Variants in CNTN5 observed in about 807,000 individuals in gnomAD.
CNTN5 encodes contactin-5.
CNTN5 carries 77 observed loss-of-function variants against 129.1 expected under a neutral mutation model. That is an observed-to-expected ratio of 0.60 (90% CI 0.50 to 0.72). The LOEUF (loss-of-function observed/expected upper bound fraction) is 0.72. CNTN5 is among the 30% of genes least tolerant of loss of function. The pLI is 0.00. For missense variants in CNTN5, 1,478 were observed against 1,328.8 expected, an observed-to-expected ratio of 1.11 and a Z score of -1.75; for synonymous variants, 509 against 465.6, an observed-to-expected ratio of 1.09 and a Z score of -1.20.
chr11:99,790,257 G>C (rs543571463), intron 3 of CNTN5, among the ~76,000 whole-genome samples: 3 of 152,096 alleles, frequency 2.0e-5, no homozygotes, highest in African/African-American at 7.2e-5. Flanking sequence ...TAGGAGTTTG[G>C]TTTACAGATT....
chr11:99,643,102 T>G (rs1591409654), intron 3 of CNTN5, among the ~76,000 whole-genome samples: 1 of 152,174 alleles, frequency 6.6e-6, no homozygotes, highest in South Asian at 2.1e-4. Context: ...TTATTTCCTT[T>G]GGATATATAA....
chr11:99,358,254 G>GGTTTTTTTTTTT (rs1938837823), intron 2 of CNTN5, among the ~76,000 whole-genome samples: 1 of 4,818 alleles, frequency 2.1e-4, no homozygotes, highest in Non-Finnish European at 3.7e-4. Context: ...ACGCCCTGCT[G>GGTTTTTTTTTTT]ATTTTTTTTT....
intron 2 of CNTN5, among the ~76,000 whole-genome samples, chr11:99,342,805 T>C (rs1393519077): frequency 6.6e-6 from 1 of 151,928 alleles, no homozygotes; most frequent in African/African-American, 2.4e-5. Flanking sequence ...ACTGTTTATT[T>C]TTAGGACTAT....
intron 1 of CNTN5, among the ~76,000 whole-genome samples, chr11:99,063,315 G>A (rs1350929844): frequency 6.6e-6 from 1 of 152,076 alleles, no homozygotes; most frequent in African/African-American, 2.4e-5. Context: ...AAGCCAGGTG[G>A]ATTCCAGAGG....
At chr11:99,533,824 T>A (rs183938529) in intron 2 of CNTN5, among the ~76,000 whole-genome samples, 55 of 152,274 alleles carry the variant, frequency 3.6e-4, no homozygotes, top group African/African-American at 1.3e-3. Flanking sequence ...GCGAACTGGA[T>A]AGAGACTGAG....
At chr11:100,259,329 T>G (rs1274175373) in intron 17 of CNTN5, among the ~76,000 whole-genome samples, 2 of 152,094 alleles carry the variant, frequency 1.3e-5, no homozygotes, top group Admixed American at 6.6e-5. Context: ...AGACTTAGAC[T>G]CCCACACAAT....
intron 13 of CNTN5, among the ~76,000 whole-genome samples, chr11:100,163,100 A>T (rs2138371609): frequency 6.6e-6 from 1 of 151,904 alleles, no homozygotes; most frequent in South Asian, 2.1e-4. Flanking sequence ...ATTATCTTTC[A>T]AAATCTCTGT....
chr11:100,174,714 C>A (rs1947912438), intron 13 of CNTN5, among the ~76,000 whole-genome samples: 3 of 152,052 alleles, frequency 2.0e-5, no homozygotes, highest in Non-Finnish European at 4.4e-5. Flanking sequence ...AAAAAGGCGG[C>A]CCCCTTCTTA....
chr11:100,083,794 C>T (rs1944451359), intron 13 of CNTN5, among the ~76,000 whole-genome samples: 3 of 152,196 alleles, frequency 2.0e-5, no homozygotes, highest in Admixed American at 6.5e-5. Flanking sequence ...CTCAAAATAT[C>T]AGTTCCTAAT....
Position 99,386,261 on chromosome 11 carries a change from G to C in CNTN5, c.-71+60777G>C, listed in dbSNP as rs1466035528. ...GGGTTCTTGGATCTCACACAAGAAAGAATTCAGGATGAGTCCACAGTGCAA... is the reference window on the plus strand; with the variant it reads ...GGGTTCTTGGATCTCACACAAGAAACAATTCAGGATGAGTCCACAGTGCAA... On this transcript the variant is annotated intron_variant, in intron 2 of 24. Transcript: ENST00000524871. Among the ~76,000 whole-genome samples the C allele has an allele frequency of 2.0e-5, 3 of 152,202 alleles. No homozygotes were observed. The East Asian group carries it at 5.8e-4, about 29-fold the overall frequency.
intron 2 of CNTN5, among the ~76,000 whole-genome samples, chr11:99,411,904 A>G (rs1413313899): frequency 6.6e-6 from 1 of 152,218 alleles, no homozygotes; most frequent in Non-Finnish European, 1.5e-5. Flanking sequence ...TAAATAACAC[A>G]TGCAATCCTA....
chr11:99,289,309 T>A (rs918830549), intron 1 of CNTN5, among the ~76,000 whole-genome samples: 1 of 151,812 alleles, frequency 6.6e-6, no homozygotes, highest in African/African-American at 2.4e-5. Flanking sequence ...ACAAAACATA[T>A]TAATTAGGAG....
chr11:99,048,540 AT>A (rs1449542017), intron 1 of CNTN5, among the ~76,000 whole-genome samples: 1 of 152,208 alleles, frequency 6.6e-6, no homozygotes, highest in Non-Finnish European at 1.5e-5. Context: ...TATAAAATAA[AT>A]TATTGGCTAG....
At chr11:99,492,598 A>G (rs10893408) in intron 2 of CNTN5, among the ~76,000 whole-genome samples, 35,323 of 152,066 alleles carry the variant, frequency 0.23, 4,400 homozygotes, top group East Asian at 0.3. Context: ...TTGGTTCTGT[A>G]TAGGGGAGAA....
chr11:99,966,528 C>T (rs1315582106), intron 8 of CNTN5, among the ~76,000 whole-genome samples: 1 of 152,206 alleles, frequency 6.6e-6, no homozygotes. Context: ...TTTCATCTCC[C>T]ATTCCCAGAG....
intron 6 of CNTN5, among the ~76,000 whole-genome samples, chr11:99,876,223 T>C (rs1948629144): frequency 6.6e-6 from 1 of 152,174 alleles, no homozygotes; most frequent in Non-Finnish European, 1.5e-5. Flanking sequence ...TGGATGGTTG[T>C]TCAGGACCTG....
chr11:100,306,339 T>C (rs768644664), intron 20 of CNTN5, among the ~76,000 whole-genome samples: 3 of 151,704 alleles, frequency 2.0e-5, no homozygotes, highest in Non-Finnish European at 3.0e-5. Flanking sequence ...TGAAAGTTGA[T>C]AGAGAAATAA....
chr11:100,011,222 C>T (rs563952619), intron 9 of CNTN5, among the ~76,000 whole-genome samples: 4 of 152,174 alleles, frequency 2.6e-5, no homozygotes, highest in South Asian at 2.1e-4. Context: ...TTCATTTCAC[C>T]GTGTGACCTT....
intron 1 of CNTN5, among the ~76,000 whole-genome samples, chr11:99,243,165 A>G (rs1466421715): frequency 6.6e-6 from 1 of 152,150 alleles, no homozygotes; most frequent in East Asian, 1.9e-4. Flanking sequence ...TTTTAATAAC[A>G]GCCATTCTGA....
Sources: gnomAD v4.1 joint callset for allele counts (sites outside exome capture counted in the v4.1 genomes callset) on GRCh38, gnomAD v4.1.1 for gene constraint, MANE v1.5 for transcripts, NCBI Gene and HGNC (gene_info 2026-07-23, HGNC 2026-07-21) for gene names.